CNTN4: variants seen among roughly 807,000 people sequenced by gnomAD.
CNTN4 encodes contactin-4.
CNTN4 carries 77 observed loss-of-function variants against 122.5 expected under a neutral mutation model. That is an observed-to-expected ratio of 0.63 (90% confidence interval 0.52 to 0.76). The LOEUF is 0.76. Ranked by LOEUF, CNTN4 falls within the 30% of genes least tolerant of loss-of-function variation. The probability of loss-of-function intolerance (pLI) is 0.00; values close to 1 mark genes in which losing one functional copy is unlikely to be tolerated. For synonymous variants in CNTN4, 512 were observed against 447.0 expected, an observed-to-expected ratio of 1.15 and a Z score of -1.83; for missense variants, 1,256 against 1,259.1, an observed-to-expected ratio of 1.00 and a Z score of 0.04.
At chr3:2,939,432 G>GAATAAGT (rs1213328645) in intron 13 of CNTN4, among the ~76,000 whole-genome samples, 1 of 151,970 alleles carries the variant, frequency 6.6e-6, no homozygotes, top group Non-Finnish European at 1.5e-5. Flanking sequence ...ATTCTCCCTA[G>GAATAAGT]AATAAGTAAT....
intron 3 of CNTN4, among the ~76,000 whole-genome samples, chr3:2,343,849 G>C (rs2044297943): frequency 1.3e-5 from 2 of 152,246 alleles, no homozygotes; most frequent in South Asian, 4.1e-4. Flanking sequence ...TTGGCTCATG[G>C]TTCTTCCAGC....
At chr3:2,169,436 T>A (rs935126851) in intron 2 of CNTN4, among the ~76,000 whole-genome samples, 4 of 152,132 alleles carry the variant, frequency 2.6e-5, no homozygotes, top group Non-Finnish European at 5.9e-5. Flanking sequence ...AGACGGAGTC[T>A]GGCTCTGTCA....
At chr3:2,430,033 T>A (rs914563020) in intron 3 of CNTN4, among the ~76,000 whole-genome samples, 2 of 152,136 alleles carry the variant, frequency 1.3e-5, no homozygotes, top group African/African-American at 4.8e-5. Flanking sequence ...AGGTGATGCC[T>A]CGCTCTGCTT....
chr3:2,329,310 T>G (rs1225056848), intron 2 of CNTN4, among the ~76,000 whole-genome samples: 1 of 152,196 alleles, frequency 6.6e-6, no homozygotes, highest in African/African-American at 2.4e-5. Flanking sequence ...AAATCACTTA[T>G]GTCAGTGGAA....
At chr3:2,509,867 A>T (rs910532722) in intron 3 of CNTN4, among the ~76,000 whole-genome samples, 31 of 152,170 alleles carry the variant, frequency 2.0e-4, no homozygotes, top group African/African-American at 7.2e-4. Context: ...CACATTAAAT[A>T]TAAAGACTCT....
intron 6 of CNTN4, among the ~76,000 whole-genome samples, chr3:2,813,629 C>A (rs59886134): frequency 0.12 from 18,594 of 151,994 alleles, 1,477 homozygotes; most frequent in East Asian, 0.4. Context: ...CTCTTCCTGT[C>A]CATATGTGTA....
chr3:2,629,664 G>A (rs2082344735), intron 4 of CNTN4: 1 of 373,872 alleles, frequency 2.7e-6, no homozygotes, highest in Non-Finnish European at 5.3e-6. Context: ...TTCTCCTGTA[G>A]GCCACTAATA....
At chr3:2,332,084 G>T (rs902380899) in intron 2 of CNTN4, among the ~76,000 whole-genome samples, 3 of 152,124 alleles carry the variant, frequency 2.0e-5, no homozygotes, top group Non-Finnish European at 4.4e-5. Flanking sequence ...GTCGATAGGG[G>T]TTCAGCGTGA....
chr3:2,728,743 T>G (rs746541724), intron 4 of CNTN4, among the ~76,000 whole-genome samples: 1 of 152,222 alleles, frequency 6.6e-6, no homozygotes, highest in Non-Finnish European at 1.5e-5. Context: ...TCTAAACCCA[T>G]GCAGTCTTCC....
At chr3:2,410,040 C>A (rs1188913286) in intron 3 of CNTN4, among the ~76,000 whole-genome samples, 1 of 152,290 alleles carries the variant, frequency 6.6e-6, no homozygotes, top group East Asian at 1.9e-4. Context: ...ATAGTTTGGA[C>A]AGCACCTATA....
chr3:2,232,942 A>G (rs2039545319), intron 2 of CNTN4, among the ~76,000 whole-genome samples: 1 of 152,150 alleles, frequency 6.6e-6, no homozygotes, highest in Non-Finnish European at 1.5e-5. Flanking sequence ...TGACCCAGGA[A>G]GACAGATTCT....
rs1055358916 is a variant in CNTN4, at chr3:3,039,825, G to T, written c.2164-212G>T. The T allele has an allele frequency of 3.4e-5, 19 of 561,498 alleles. 1 individual carries two copies. The highest frequency in any genetic ancestry group is 2.5e-4 in the South Asian group (13 of 52,134). The allele number at this position is 561,498 out of a possible 1,614,324, so 34.8% of individuals were successfully genotyped here. A position where few individuals can be genotyped will look rare whatever the true frequency, so the allele number is the denominator to read the frequency against. On this transcript the variant is annotated intron_variant, in intron 19 of 24. Transcript: ENST00000418658. ...ATCAAAGAGCAAGCTCTGGACTGCA[G>T]ATCCTCATTACGTTTTCAACCCTGT...
chr3:2,864,466 C>T (rs896576466), intron 7 of CNTN4, among the ~76,000 whole-genome samples: 1 of 151,866 alleles, frequency 6.6e-6, no homozygotes, highest in Non-Finnish European at 1.5e-5. Context: ...TAGCCAGGCG[C>T]GGTGGCTCAC....
At chr3:2,998,681 G>T (rs1441092527) in intron 14 of CNTN4, among the ~76,000 whole-genome samples, 2 of 152,036 alleles carry the variant, frequency 1.3e-5, no homozygotes, top group Non-Finnish European at 2.9e-5. Flanking sequence ...CCAGGAAAAA[G>T]AAATGTATCT....
intron 2 of CNTN4, among the ~76,000 whole-genome samples, chr3:2,325,182 A>T (rs151105617): frequency 3.9e-5 from 6 of 152,334 alleles, no homozygotes; most frequent in Middle Eastern, 3.4e-3. Flanking sequence ...TTGATGTCAC[A>T]TAAGAGCGAA....
intron 2 of CNTN4, among the ~76,000 whole-genome samples, chr3:2,182,390 A>T (rs1264082400): frequency 2.6e-5 from 4 of 152,100 alleles, no homozygotes; most frequent in Non-Finnish European, 5.9e-5. Context: ...AAAGTTGTTG[A>T]TTATTTTTAA....
intron 3 of CNTN4, among the ~76,000 whole-genome samples, chr3:2,413,107 T>C (rs1324019442): frequency 2.0e-5 from 3 of 152,184 alleles, no homozygotes; most frequent in Non-Finnish European, 4.4e-5. Context: ...AAATGTACTA[T>C]GTAGATTAGG....
chr3:2,713,143 G>T (rs778001743), intron 4 of CNTN4, among the ~76,000 whole-genome samples: 4 of 152,160 alleles, frequency 2.6e-5, no homozygotes, highest in Non-Finnish European at 4.4e-5. Flanking sequence ...TATCTGAAGT[G>T]GGGGAGCAGT....
chr3:2,248,915 T>C (rs114553732), intron 2 of CNTN4, among the ~76,000 whole-genome samples: 9 of 152,082 alleles, frequency 5.9e-5, no homozygotes, highest in African/African-American at 2.2e-4. Flanking sequence ...TGGAAAAGGC[T>C]ACAATGCAGA....
Sources: allele counts gnomAD v4.1 joint callset (sites outside exome capture counted in the v4.1 genomes callset), GRCh38; gene constraint gnomAD v4.1.1; transcripts MANE v1.5; gene names NCBI Gene and HGNC (gene_info 2026-07-23, HGNC 2026-07-21).